PRKG1: variants seen among roughly 807,000 people sequenced by gnomAD.
The protein encoded by PRKG1 is cGMP-dependent protein kinase 1.
Under a neutral mutation model 88.1 loss-of-function variants are expected in PRKG1, and 35 were observed. The observed-to-expected ratio is 0.40, with a 90% confidence interval of 0.30 to 0.53. The LOEUF is 0.53. PRKG1 is among the 20% of genes least tolerant of loss of function. PRKG1 has a pLI of 0.59. For synonymous variants in PRKG1, 303 were observed against 292.5 expected (o/e 1.04, Z -0.37); for missense variants, 540 against 839.8 (o/e 0.64, Z 4.41).
chr10:51,864,364 A>C (rs1233768888), intron 4 of PRKG1, among the ~76,000 whole-genome samples: 1 of 152,188 alleles, frequency 6.6e-6, no homozygotes, highest in Non-Finnish European at 1.5e-5. Flanking sequence ...CATTTACTCT[A>C]TGTGTTGATA....
chr10:51,737,016 TA>T (rs1244337168), intron 3 of PRKG1, among the ~76,000 whole-genome samples: 1 of 152,184 alleles, frequency 6.6e-6, no homozygotes, highest in Non-Finnish European at 1.5e-5. Flanking sequence ...TCAGCTTACA[TA>T]TTATTAACTA....
At chr10:51,977,866 A>G (rs1050101035) in intron 5 of PRKG1, among the ~76,000 whole-genome samples, 1 of 152,108 alleles carries the variant, frequency 6.6e-6, no homozygotes, top group African/African-American at 2.4e-5. Flanking sequence ...AATGCTGGAT[A>G]TCAGACATTT....
intron 7 of PRKG1, among the ~76,000 whole-genome samples, chr10:52,094,432 C>T (rs74135140): frequency 0.11 from 16,560 of 152,056 alleles, 1,095 homozygotes; most frequent in East Asian, 0.3. Context: ...CTCTCTCTCT[C>T]TTTTATCTCT....
At chr10:51,343,770 G>C (rs1484802046) in intron 2 of PRKG1, among the ~76,000 whole-genome samples, 1 of 152,080 alleles carries the variant, frequency 6.6e-6, no homozygotes, top group African/African-American at 2.4e-5. Flanking sequence ...TTGTAAAGCA[G>C]GATTGTGCCT....
At chr10:51,519,034 C>T (rs1048121677) in intron 3 of PRKG1, among the ~76,000 whole-genome samples, 5 of 152,112 alleles carry the variant, frequency 3.3e-5, no homozygotes, top group South Asian at 2.1e-4. Flanking sequence ...CAGAAAGCAT[C>T]GAAAATATTT....
intron 2 of PRKG1, among the ~76,000 whole-genome samples, chr10:51,295,732 A>C (rs1004155979): frequency 2.0e-5 from 3 of 152,060 alleles, no homozygotes; most frequent in Non-Finnish European, 2.9e-5. Context: ...TGTAGTGAGA[A>C]TGGACATCCA....
At chr10:52,066,323 A>G (rs1360993255) in intron 7 of PRKG1, among the ~76,000 whole-genome samples, 2 of 152,304 alleles carry the variant, frequency 1.3e-5, no homozygotes, top group East Asian at 3.9e-4. Flanking sequence ...TATTTCATAA[A>G]CCTTGGTAAG....
chr10:51,172,150 G>T (rs1837042249), intron 2 of PRKG1, among the ~76,000 whole-genome samples: 1 of 151,982 alleles, frequency 6.6e-6, no homozygotes, highest in Admixed American at 6.6e-5. Flanking sequence ...ATTCAGTGAT[G>T]AAATAATGAG....
intron 1 of PRKG1, among the ~76,000 whole-genome samples, chr10:51,127,160 T>C (rs900395489): frequency 4.6e-5 from 7 of 152,034 alleles, no homozygotes; most frequent in African/African-American, 1.7e-4. Flanking sequence ...TAAATTATCA[T>C]CAGGGTGAAC....
chr10:51,848,632 T>C (rs1840464322), intron 4 of PRKG1, among the ~76,000 whole-genome samples: 1 of 131,646 alleles, frequency 7.6e-6, no homozygotes, highest in South Asian at 2.2e-4. Flanking sequence ...TGTGTCTGTA[T>C]CTGTGTGTGT....
chr10:52,198,833 T>TGC (rs1460400264), intron 9 of PRKG1, among the ~76,000 whole-genome samples: 4 of 151,656 alleles, frequency 2.6e-5, no homozygotes, highest in Non-Finnish European at 2.9e-5. Flanking sequence ...TGTGTGTGTG[T>TGC]GCATGTGTGT....
chr10:51,344,892 G>T (rs759503822), intron 2 of PRKG1, among the ~76,000 whole-genome samples: 26 of 152,200 alleles, frequency 1.7e-4, no homozygotes, highest in Non-Finnish European at 2.9e-4. Flanking sequence ...CACACTAATT[G>T]GTCCACAAAA....
Position 51,269,834 on chromosome 10 carries a change from G to T in PRKG1, c.478+116504G>T, listed in dbSNP as rs370955020. Among the ~76,000 whole-genome samples the T allele has an allele frequency of 3.9e-5, 6 of 152,084 alleles. No homozygotes were observed. In the South Asian group the frequency reaches 1.2e-3, roughly 31 times the overall value. On this transcript the variant is annotated intron_variant, in intron 2 of 17. Transcript: ENST00000373980. Reference sequence around the variant, plus strand: ...ACTAATGAACTTATCCATGTAAACAGAAACCAACTCTTCCCCAAAAACTAT... The same window carrying T: ...ACTAATGAACTTATCCATGTAAACATAAACCAACTCTTCCCCAAAAACTAT...
intron 3 of PRKG1, among the ~76,000 whole-genome samples, chr10:51,748,316 T>C (rs1837632429): frequency 6.6e-6 from 1 of 152,236 alleles, no homozygotes; most frequent in Admixed American, 6.5e-5. Context: ...AGTATTTTTA[T>C]AGTTTGGCCT....
intron 2 of PRKG1, among the ~76,000 whole-genome samples, chr10:51,373,968 C>T (rs539348938): frequency 1.4e-4 from 21 of 151,148 alleles, no homozygotes; most frequent in Admixed American, 7.9e-4. Flanking sequence ...ATGGTGAAAC[C>T]CTGTCTCTAG....
chr10:51,913,189 A>G (rs1051396634), intron 5 of PRKG1, among the ~76,000 whole-genome samples: 2 of 152,184 alleles, frequency 1.3e-5, no homozygotes, highest in Admixed American at 1.3e-4. Context: ...TTGGCCTCAC[A>G]AAGTGCTGGG....
At chr10:51,444,578 C>T (rs568757789) in intron 2 of PRKG1, among the ~76,000 whole-genome samples, 2 of 151,998 alleles carry the variant, frequency 1.3e-5, no homozygotes, top group South Asian at 4.1e-4. Flanking sequence ...AAAGCAAGCT[C>T]ATTTCTAAAA....
chr10:51,854,624 G>T (rs1840634908), intron 4 of PRKG1, among the ~76,000 whole-genome samples: 1 of 152,014 alleles, frequency 6.6e-6, no homozygotes, highest in Non-Finnish European at 1.5e-5. Context: ...GAAGAAACAA[G>T]TTGCCAAAAA....
intron 9 of PRKG1, among the ~76,000 whole-genome samples, chr10:52,192,013 A>G (rs1266990544): frequency 6.6e-6 from 1 of 152,126 alleles, no homozygotes; most frequent in Non-Finnish European, 1.5e-5. Flanking sequence ...TTAATTATCA[A>G]TTTTCAGAGT....
Sources: gnomAD v4.1 joint callset for allele counts (sites outside exome capture counted in the v4.1 genomes callset) on GRCh38, gnomAD v4.1.1 for gene constraint, MANE v1.5 for transcripts, NCBI Gene and HGNC (gene_info 2026-07-23, HGNC 2026-07-21) for gene names.